The following EIF2B3 variants were observed in gnomAD, a reference collection of about 807,000 sequenced individuals.
EIF2B3 encodes translation initiation factor eIF2B subunit gamma.
Under a neutral mutation model 54.1 loss-of-function variants are expected in EIF2B3, and 20 were observed. The observed-to-expected ratio is 0.37, with a 90% CI of 0.26 to 0.54. The LOEUF is 0.54. EIF2B3 is among the 20% of genes least tolerant of loss of function. The pLI is 0.86. For missense variants in EIF2B3, 448 were observed against 547.8 expected (o/e 0.82, Z 1.82); for synonymous variants, 153 against 188.1 (o/e 0.81, Z 1.52).
chr1:44,912,891 G>C (rs1643543228), intron 5 of EIF2B3, among the ~76,000 whole-genome samples: 1 of 152,074 alleles, frequency 6.6e-6, no homozygotes, highest in Non-Finnish European at 1.5e-5. Context: ...ACAGTGGTTT[G>C]ACCAGATTTG....
At chr1:44,965,508 A>G (rs1644327486) in intron 3 of EIF2B3, among the ~76,000 whole-genome samples, 1 of 152,066 alleles carries the variant, frequency 6.6e-6, no homozygotes, top group Non-Finnish European at 1.5e-5. Flanking sequence ...AAAGACTACT[A>G]ATGCTTAGTG....
At chr1:44,868,066 T>C (rs1162139413) in intron 10 of EIF2B3, among the ~76,000 whole-genome samples, 4 of 151,724 alleles carry the variant, frequency 2.6e-5, no homozygotes, top group Admixed American at 1.3e-4. Context: ...CTATGAGATA[T>C]GCTAGGCCTT....
intron 5 of EIF2B3, among the ~76,000 whole-genome samples, chr1:44,919,571 A>C (rs962951322): frequency 1.3e-5 from 2 of 152,148 alleles, no homozygotes; most frequent in Admixed American, 6.6e-5. Flanking sequence ...CAGAAGAAAT[A>C]TGATCATCTT....
intron 3 of EIF2B3, 123 bp downstream of exon 3, chr1:44,978,192 C>T (rs1458661999): frequency 2.7e-6 from 3 of 1,108,882 alleles, no homozygotes; most frequent in Non-Finnish European, 4.0e-6. Context: ...GATCACACTA[C>T]TGCACTCCGG....
chr1:44,886,860 G>A (rs1248916607), intron 6 of EIF2B3, among the ~76,000 whole-genome samples: 2 of 152,102 alleles, frequency 1.3e-5, no homozygotes, highest in African/African-American at 4.8e-5. Context: ...GTGATTCTGG[G>A]GGCTTCCTAA....
intron 4 of EIF2B3, among the ~76,000 whole-genome samples, chr1:44,939,127 G>C (rs199609261): frequency 4.5e-4 from 51 of 113,572 alleles, no homozygotes; most frequent in South Asian, 1.7e-3. Flanking sequence ...AAAAAAAAAA[G>C]AAACAAAAGG....
At chr1:44,884,080 C>T (rs1281551955) in intron 6 of EIF2B3, among the ~76,000 whole-genome samples, 3 of 152,136 alleles carry the variant, frequency 2.0e-5, no homozygotes, top group Non-Finnish European at 4.4e-5. Flanking sequence ...CTCAAGCAGT[C>T]CTCCCACCTC....
intron 4 of EIF2B3, among the ~76,000 whole-genome samples, chr1:44,929,587 C>T (rs1046607691): frequency 6.6e-6 from 1 of 152,196 alleles, no homozygotes. Context: ...GCAGCTTAGA[C>T]ATATATCAAC....
In EIF2B3 at chr1:44,941,509, C is replaced by CA; in HGVS notation, c.450_451insT (p.Ala151CysfsTer6). The CA allele has an allele frequency of 6.3e-7, 1 of 1,592,216 alleles. No homozygotes were observed. Among genetic ancestry groups the CA allele is most frequent in the Non-Finnish European group, 8.6e-7 (1 of 1,168,390 alleles). Reference sequence around the variant, plus strand: ...AACAAACTCCAATCTTCCTTACCTGCTTTTTTTTTCCCCTTTTGACCGGGA... The same window carrying CA: ...AACAAACTCCAATCTTCCTTACCTGCATTTTTTTTTCCCCTTTTGACCGGGA... On this transcript the variant is annotated frameshift_variant, in exon 4 of 12. Transcript: ENST00000360403. LOFTEE classifies it high-confidence loss of function.
rs1208863444 is a variant in EIF2B3 at position 44,952,176 on chromosome 1, G to A, written c.295-10511C>T. 3.4e-4 allele frequency among the ~76,000 whole-genome samples: 47 copies of A among 138,796 alleles called. 8 individuals carry two copies. Among genetic ancestry groups the A allele is most frequent in the African/African-American group, 1.3e-3 (47 of 36,838 alleles). 91.1% of individuals were successfully genotyped at this position (138,796 alleles called of 152,430 possible). A position where few individuals can be genotyped will look rare whatever the true frequency, so the allele number is the denominator to read the frequency against. On this transcript the variant is annotated intron_variant, in intron 3 of 11. Coordinates refer to ENST00000360403, the MANE Select transcript of EIF2B3 (RefSeq NM_020365.5). ...GACGGGGTTTCACCGTTTTAGCCAG[G>A]ATGGTCTCGATCTCCTGACCTCGTG...
intron 5 of EIF2B3, among the ~76,000 whole-genome samples, chr1:44,919,258 G>T (rs1643688495): frequency 6.6e-6 from 1 of 151,870 alleles, no homozygotes; most frequent in African/African-American, 2.4e-5. Context: ...GCTGAGGCAG[G>T]AGAATCACTT....
intron 5 of EIF2B3, among the ~76,000 whole-genome samples, chr1:44,907,444 G>C (rs1433827727): frequency 3.9e-5 from 6 of 152,128 alleles, no homozygotes; most frequent in Non-Finnish European, 8.8e-5. Context: ...TGTAATCCCA[G>C]CTACTTGGGA....
intron 11 of EIF2B3, 103 bp downstream of exon 11, chr1:44,857,601 C>T (rs967310012): frequency 3.8e-6 from 4 of 1,042,662 alleles, no homozygotes; most frequent in Middle Eastern, 2.0e-4. Context: ...TTCTCGCCCG[C>T]AGTGTACGTA....
rs373895618 is a variant in EIF2B3 at position 44,914,590 on chromosome 1, G to GA, written c.566+12037dup. On this transcript the variant is annotated intron_variant, in intron 5 of 11. Transcript: ENST00000360403. ...AAAAGAAACATCACATTTATTTTAT[G>GA]AAAAAAGATGTACTTATTTTACAGA... Among the ~76,000 whole-genome samples, 681 of 152,252 alleles carry GA rather than the reference G, an allele frequency of 4.5e-3. 4 individuals are homozygous for GA. Among genetic ancestry groups the GA allele is most frequent in the African/African-American group, 0.016 (650 of 41,560 alleles).
intron 3 of EIF2B3, among the ~76,000 whole-genome samples, chr1:44,947,684 G>A (rs1644117834): frequency 6.6e-6 from 1 of 152,086 alleles, no homozygotes; most frequent in Admixed American, 6.6e-5. Context: ...TAACTACCAT[G>A]CTTCTCTACT....
intron 11 of EIF2B3, among the ~76,000 whole-genome samples, chr1:44,853,053 G>A (rs886506551): frequency 6.6e-6 from 1 of 152,122 alleles, no homozygotes; most frequent in Non-Finnish European, 1.5e-5. Flanking sequence ...GGACAAGTGA[G>A]GGAGAGGAGA....
intron 7 of EIF2B3, among the ~76,000 whole-genome samples, chr1:44,880,821 C>A (rs551932553): frequency 1.8e-4 from 27 of 152,138 alleles, no homozygotes; most frequent in African/African-American, 6.5e-4. Flanking sequence ...ATTAGCCGGG[C>A]GTGGTGGCGT....
intron 4 of EIF2B3, among the ~76,000 whole-genome samples, chr1:44,929,837 C>T (rs1352465380): frequency 6.6e-6 from 1 of 152,182 alleles, no homozygotes; most frequent in African/African-American, 2.4e-5. Flanking sequence ...CCCTCTCAGA[C>T]CCTCCACCTT....
chr1:44,884,984 C>G lies in EIF2B3; in HGVS notation c.657-3245G>C, dbSNP rs1557670108. On this transcript the variant is annotated intron_variant, in intron 6 of 11. Coordinates refer to ENST00000360403, the MANE Select transcript of EIF2B3 (RefSeq NM_020365.5). Reference sequence around the variant, plus strand: ...TGACTTAGAAACATAATGAAGGAAACAATTACTCTTCCTGCTTCCTAGTTA... The same window carrying G: ...TGACTTAGAAACATAATGAAGGAAAGAATTACTCTTCCTGCTTCCTAGTTA... 2.0e-5 allele frequency among the ~76,000 whole-genome samples: 3 copies of G among 152,218 alleles called. No individual in the cohort carries two copies. The South Asian group carries it at 6.2e-4, about 31-fold the overall frequency.
Sources: allele counts gnomAD v4.1 joint callset (sites outside exome capture counted in the v4.1 genomes callset), GRCh38; gene constraint gnomAD v4.1.1; transcripts MANE v1.5; gene names NCBI Gene and HGNC (gene_info 2026-07-23, HGNC 2026-07-21).